Variants in RAD17 observed in about 807,000 individuals in gnomAD.
RAD17 encodes RAD17 checkpoint clamp loader component, also known as cell cycle checkpoint protein RAD17.
In RAD17, 31 loss-of-function variants were observed where a neutral mutation model predicts 81.5. The observed-to-expected ratio is 0.38, with a 90% CI of 0.29 to 0.51. RAD17 has a LOEUF of 0.51. RAD17 is among the 20% of genes least tolerant of loss of function. The pLI is 0.88. For synonymous variants in RAD17, 261 were observed against 266.2 expected (o/e 0.98, Z 0.19); for missense variants, 681 against 781.2 (o/e 0.87, Z 1.53).
rs759753593 is a variant in RAD17 at position 69,391,903 on chromosome 5, G to A, written c.1079G>A (p.Arg360Gln). The A allele has an allele frequency of 3.1e-6, 5 of 1,593,370 alleles. No individual in the cohort carries two copies. The highest frequency in any genetic ancestry group is 3.6e-5 in the Admixed American group (2 of 54,828). ...KSDAVLSKSKRRKKPDRVFEN... is the reference protein window; with the variant it reads ...KSDAVLSKSKQRKKPDRVFEN... ...GATGCTGTGCTGTCAAAATCAAAACGAAGAAAAAAACCTGATAGGGTTTTT... is the reference window on the plus strand; with the variant it reads ...GATGCTGTGCTGTCAAAATCAAAACAAAGAAAAAAACCTGATAGGGTTTTT... Residue 360 changes from arginine (R) to glutamine (Q), a missense_variant, in exon 13 of 19, where the codon CGA (arginine) becomes CAA (glutamine). Transcript: ENST00000354868.
At chr5:69,408,042 A>C (rs1360575880) in intron 17 of RAD17, among the ~76,000 whole-genome samples, 1 of 152,086 alleles carries the variant, frequency 6.6e-6, no homozygotes, top group Non-Finnish European at 1.5e-5. Flanking sequence ...TTTGAGCATG[A>C]TTTCCTTTTC....
chr5:69,410,548 A>C lies in RAD17; in HGVS notation c.1749A>C (p.Gly583=). Residue 583 remains glycine, a splice_region_variant and synonymous_variant, in exon 18 of 19, where the codon GGA becomes GGC. Coordinates refer to ENST00000354868, the MANE Select transcript of RAD17 (RefSeq NM_133338.3). ...IGRLPLKRHF[G]RLKMEALTDR... ...GGCTCCCTCTGAAGCGACACTTTGG[A>C]AGGTAAGCTGATCATCTCAATTTCC... The C allele has an allele frequency of 6.2e-7, 1 of 1,612,898 alleles. No individual in the cohort carries two copies. The highest frequency in any genetic ancestry group is 8.5e-7 in the Non-Finnish European group (1 of 1,179,124).
chr5:69,392,801 A>G (rs1011356926), intron 13 of RAD17: 6 of 459,892 alleles, frequency 1.3e-5, no homozygotes, highest in African/African-American at 9.9e-5. Flanking sequence ...TCATGTAGAG[A>G]GCAACATCTT....
rs1766241446 is a variant in RAD17 at position 69,414,275 on chromosome 5, G to A, written c.1996G>A (p.Glu666Lys). 5 of 1,614,094 alleles carry A rather than the reference G, an allele frequency of 3.1e-6. No individual in the cohort carries two copies. Among genetic ancestry groups the A allele is most frequent in the East Asian group, 2.2e-5 (1 of 44,886 alleles). The change falls in exon 19 of 19, where the codon GAG (glutamate) becomes AAG (lysine). Residue 666 changes from glutamate to lysine, a missense_variant. By Grantham distance (56) the Glu-to-Lys change is moderately conservative. Coordinates refer to ENST00000354868, the MANE Select transcript of RAD17 (RefSeq NM_133338.3). ...MEENIIIEDY[E>K]SDGT ...AGAAAACATAATAATAGAAGACTAC[G>A]AGAGTGATGGGACATAGAAGCCAGC...
At chr5:69,413,219 T>C (rs1766122048) in intron 18 of RAD17, among the ~76,000 whole-genome samples, 1 of 152,086 alleles carries the variant, frequency 6.6e-6, no homozygotes, top group Non-Finnish European at 1.5e-5. Context: ...GGCAGATGGA[T>C]CACCTGAGTT....
At chr5:69,401,600 G>A (rs1303312516) in intron 17 of RAD17, among the ~76,000 whole-genome samples, 1 of 152,070 alleles carries the variant, frequency 6.6e-6, no homozygotes, top group African/African-American at 2.4e-5. Context: ...TGCATTCATA[G>A]GCAAAAATGG....
chr5:69,395,505 C>G (rs1201547074), intron 15 of RAD17, among the ~76,000 whole-genome samples: 1 of 152,022 alleles, frequency 6.6e-6, no homozygotes. Flanking sequence ...GACTGAGACC[C>G]TATTTTAAAT....
intron 6 of RAD17, among the ~76,000 whole-genome samples, chr5:69,375,918 G>A (rs1289731262): frequency 1.3e-5 from 2 of 151,744 alleles, no homozygotes; most frequent in Non-Finnish European, 2.9e-5. Context: ...CAGGCCGGTT[G>A]ACTTGTAGAA....
At chr5:69,400,992 A>C (rs1393273321) in intron 17 of RAD17, among the ~76,000 whole-genome samples, 1 of 151,586 alleles carries the variant, frequency 6.6e-6, no homozygotes, top group Admixed American at 6.6e-5. Flanking sequence ...GTGGTGGCTT[A>C]TGCCTGTAAT....
chr5:69,394,591 A>G (rs868745658), intron 15 of RAD17, among the ~76,000 whole-genome samples: 128 of 37,818 alleles, frequency 3.4e-3, no homozygotes, highest in African/African-American at 5.4e-3. Context: ...AGCTATTTAC[A>G]TTTAAATTTA....
intron 6 of RAD17, among the ~76,000 whole-genome samples, chr5:69,381,667 T>G (rs1284257195): frequency 6.6e-6 from 1 of 152,126 alleles, no homozygotes; most frequent in African/African-American, 2.4e-5. Context: ...GATTCTCTTA[T>G]TTCCATATTT....
At chr5:69,400,018 CT>C in intron 16 of RAD17, 30 bp from the exon 17 acceptor site, 1 of 1,443,392 alleles carries the variant, frequency 6.9e-7, no homozygotes, top group Non-Finnish European at 9.4e-7. Flanking sequence ...TTCATTTTTC[CT>C]TTCATCTTTT....
At chr5:69,402,878 T>A (rs2150868133) in intron 17 of RAD17, among the ~76,000 whole-genome samples, 1 of 152,302 alleles carries the variant, frequency 6.6e-6, no homozygotes, top group East Asian at 1.9e-4. Flanking sequence ...AAGTCTGCAC[T>A]TGCCAAAAAC....
intron 6 of RAD17, among the ~76,000 whole-genome samples, chr5:69,376,592 T>C (rs1274835577): frequency 6.6e-6 from 1 of 152,226 alleles, no homozygotes; most frequent in Non-Finnish European, 1.5e-5. Flanking sequence ...CTTCTCCCGT[T>C]ACTAACCTTC....
chr5:69,410,402 T>G (rs1765893002), intron 17 of RAD17, 91 bp from the exon 18 acceptor site: 5 of 936,894 alleles, frequency 5.3e-6, no homozygotes, highest in Non-Finnish European at 8.4e-6. Context: ...CTCTAAAGAT[T>G]AGTGATGTTC....
chr5:69,377,304 C>G (rs976015761), intron 6 of RAD17, among the ~76,000 whole-genome samples: 4 of 150,590 alleles, frequency 2.7e-5, no homozygotes, highest in Non-Finnish European at 5.9e-5. Context: ...TTTTATTTTT[C>G]AGTGTCCATT....
chr5:69,411,186 GGATCACCTGAGATAAGGAGTTCAA>G (rs1036905713), intron 18 of RAD17, among the ~76,000 whole-genome samples: 2 of 151,764 alleles, frequency 1.3e-5, no homozygotes, highest in Admixed American at 6.6e-5. Context: ...CGAGGCAGGT[GGATCACCTGAGATAAGGAGTTCAA>G]GACCAGCCTG....
intron 16 of RAD17, among the ~76,000 whole-genome samples, chr5:69,399,090 A>G (rs372609521): frequency 2.0e-5 from 3 of 152,176 alleles, no homozygotes; most frequent in East Asian, 3.9e-4. Flanking sequence ...GTGAGATCCC[A>G]TATCTACAGG....
intron 16 of RAD17, among the ~76,000 whole-genome samples, chr5:69,398,049 G>A (rs367746343): frequency 5.3e-5 from 8 of 151,952 alleles, no homozygotes; most frequent in Non-Finnish European, 8.8e-5. Context: ...CCCAGGAGGC[G>A]GAGCTTGCAG....
Sources: allele counts gnomAD v4.1 joint callset (sites outside exome capture counted in the v4.1 genomes callset), GRCh38; gene constraint gnomAD v4.1.1; transcripts MANE v1.5; gene names NCBI Gene and HGNC (gene_info 2026-07-23, HGNC 2026-07-21).